CNTN3: variants seen among roughly 807,000 people sequenced by gnomAD.
CNTN3 encodes contactin 3.
Under a neutral mutation model 119.1 loss-of-function variants are expected in CNTN3, and 60 were observed. The ratio of observed to expected loss-of-function variants is 0.50; its 90% CI spans 0.41 to 0.62. CNTN3 has a LOEUF of 0.62. CNTN3 is among the 20% of genes least tolerant of loss of function. The probability of loss-of-function intolerance (pLI) is 0.00; values close to 1 mark genes in which losing one functional copy is unlikely to be tolerated. For synonymous variants in CNTN3, 450 were observed against 438.7 expected (o/e 1.03, Z -0.32); for missense variants, 1,101 against 1,242.4 (o/e 0.89, Z 1.71).
intron 4 of CNTN3, among the ~76,000 whole-genome samples, chr3:74,431,186 T>A (rs1701777584): frequency 6.6e-6 from 1 of 152,194 alleles, no homozygotes; most frequent in Non-Finnish European, 1.5e-5. Flanking sequence ...TTCAGGTTGA[T>A]CTTCCCATGC....
chr3:74,388,955 C>A (rs187300378), intron 5 of CNTN3, among the ~76,000 whole-genome samples: 2 of 152,174 alleles, frequency 1.3e-5, no homozygotes, highest in East Asian at 1.9e-4. Context: ...TATTAGAGAT[C>A]GATACACGTA....
At chr3:74,548,379 T>C (rs1310074922) in intron 1 of CNTN3, among the ~76,000 whole-genome samples, 6 of 152,204 alleles carry the variant, frequency 3.9e-5, no homozygotes, top group African/African-American at 1.4e-4. Flanking sequence ...TTCTATTTTA[T>C]CTACATATTA....
intron 3 of CNTN3, among the ~76,000 whole-genome samples, chr3:74,498,341 T>C (rs1042274668): frequency 6.6e-6 from 1 of 151,894 alleles, no homozygotes; most frequent in Non-Finnish European, 1.5e-5. Flanking sequence ...CATATGCTTA[T>C]GTCTGATTAA....
chr3:74,309,293 TG>T (rs1441601746), intron 13 of CNTN3, among the ~76,000 whole-genome samples: 1 of 152,048 alleles, frequency 6.6e-6, no homozygotes, highest in Non-Finnish European at 1.5e-5. Context: ...TTAGTAGAGA[TG>T]GGGTTTCACC....
intron 13 of CNTN3, among the ~76,000 whole-genome samples, chr3:74,318,329 T>A (rs1215085726): frequency 6.6e-6 from 1 of 152,214 alleles, no homozygotes; most frequent in Non-Finnish European, 1.5e-5. Flanking sequence ...AGTCTTCTTC[T>A]CTCAGCTCGT....
At position 74,285,300 on chromosome 3, in the gene CNTN3, C is replaced by G. The variant is rs762550546; in HGVS notation, c.2704+5G>C. On this transcript the variant is annotated splice_donor_5th_base_variant and intron_variant, in intron 20 of 22. Coordinates refer to ENST00000263665, the MANE Select transcript of CNTN3 (RefSeq NM_020872.3). Reference sequence around the variant, plus strand: ...TACCATTCAAAGAAATCAGAATATACTTACGCGTTTTCTTGGTGGTTACAT... The same window carrying G: ...TACCATTCAAAGAAATCAGAATATAGTTACGCGTTTTCTTGGTGGTTACAT... The G allele has an allele frequency of 6.3e-7, 1 of 1,599,548 alleles. No homozygotes were observed. The highest frequency in any genetic ancestry group is 2.3e-5 in the East Asian group (1 of 44,396).
intron 20 of CNTN3, 61 bp downstream of exon 20, chr3:74,285,244 G>A: frequency 6.8e-7 from 1 of 1,478,906 alleles, no homozygotes; most frequent in Non-Finnish European, 9.2e-7. Flanking sequence ...TAATAGAGAA[G>A]GCTATCCTTT....
chr3:74,424,775 C>A, intron 5 of CNTN3, 70 bp downstream of exon 5: 1 of 1,226,646 alleles, frequency 8.2e-7, no homozygotes, highest in African/African-American at 1.5e-5. Flanking sequence ...GATGCAATAA[C>A]AGTACATGCG....
intron 1 of CNTN3, among the ~76,000 whole-genome samples, chr3:74,598,326 C>T (rs1281154082): frequency 6.6e-6 from 1 of 152,018 alleles, no homozygotes; most frequent in Non-Finnish European, 1.5e-5. Flanking sequence ...ACCGGAGGCA[C>T]CAACCTTGTA....
intron 5 of CNTN3, among the ~76,000 whole-genome samples, chr3:74,408,950 T>C (rs1477449603): frequency 6.6e-6 from 1 of 152,150 alleles, no homozygotes; most frequent in African/African-American, 2.4e-5. Context: ...TATTATATTA[T>C]TTTTTATTTC....
intron 1 of CNTN3, among the ~76,000 whole-genome samples, chr3:74,521,661 T>C (rs771967968): frequency 1.6e-4 from 24 of 151,856 alleles, no homozygotes; most frequent in Non-Finnish European, 3.5e-4. Flanking sequence ...CTTAGACCTA[T>C]TTTTTTAGAA....
chr3:74,496,826 T>A (rs913347686), intron 3 of CNTN3, among the ~76,000 whole-genome samples: 1 of 152,056 alleles, frequency 6.6e-6, no homozygotes, highest in Non-Finnish European at 1.5e-5. Context: ...AATTAAACCC[T>A]AAGACGAGTA....
At chr3:74,342,155 T>C (rs1488905835) in intron 11 of CNTN3, among the ~76,000 whole-genome samples, 2 of 152,086 alleles carry the variant, frequency 1.3e-5, no homozygotes, top group Admixed American at 1.3e-4. Context: ...TATACATTGA[T>C]GAAAATGTAT....
chr3:74,596,357 A>G (rs544414160), intron 1 of CNTN3, among the ~76,000 whole-genome samples: 281 of 152,270 alleles, frequency 1.8e-3, no homozygotes, highest in African/African-American at 6.3e-3. Context: ...ATGTGGAACC[A>G]AAAAAGAGCC....
At chr3:74,437,417 G>A (rs969103436) in intron 4 of CNTN3, among the ~76,000 whole-genome samples, 7 of 152,002 alleles carry the variant, frequency 4.6e-5, no homozygotes, top group Admixed American at 6.5e-5. Context: ...AGCCGAGATC[G>A]CACCACTGCA....
At chr3:74,490,791 T>C (rs995873029) in intron 3 of CNTN3, among the ~76,000 whole-genome samples, 2 of 152,228 alleles carry the variant, frequency 1.3e-5, no homozygotes, top group African/African-American at 4.8e-5. Context: ...AATATGTTCC[T>C]GCATTTTTAA....
chr3:74,421,668 G>T (rs776295440), intron 5 of CNTN3, among the ~76,000 whole-genome samples: 4 of 152,098 alleles, frequency 2.6e-5, no homozygotes, highest in Non-Finnish European at 4.4e-5. Flanking sequence ...ACAAAGTATG[G>T]GAGACAGAGA....
intron 1 of CNTN3, among the ~76,000 whole-genome samples, chr3:74,571,703 A>C (rs1458153850): frequency 3.3e-5 from 5 of 152,200 alleles, no homozygotes. Flanking sequence ...TGTCAAAAGA[A>C]TCCTGCCATT....
chr3:74,579,963 T>A (rs2106665843), intron 1 of CNTN3, among the ~76,000 whole-genome samples: 1 of 152,202 alleles, frequency 6.6e-6, no homozygotes. Flanking sequence ...AATATATATA[T>A]AAGTAGAATT....
Sources: gnomAD v4.1 joint callset for allele counts (sites outside exome capture counted in the v4.1 genomes callset) on GRCh38, gnomAD v4.1.1 for gene constraint, MANE v1.5 for transcripts, NCBI Gene and HGNC (gene_info 2026-07-23, HGNC 2026-07-21) for gene names.